The following FGGY variants were observed in gnomAD, a reference collection of about 807,000 sequenced individuals.
FGGY encodes FGGY carbohydrate kinase domain containing.
FGGY carries 72 observed loss-of-function variants against 71.3 expected under a neutral mutation model. That is an observed-to-expected ratio of 1.01 (90% CI 0.84 to 1.23). The LOEUF (loss-of-function observed/expected upper bound fraction) is 1.23, where lower values mean the gene tolerates loss of function less well. Ranked by LOEUF, FGGY falls within the 50% of genes most tolerant of loss-of-function variation. FGGY has a pLI of 0.00. For synonymous variants in FGGY, 251 were observed against 250.3 expected (o/e 1.00, Z -0.02); for missense variants, 668 against 682.3 (o/e 0.98, Z 0.23).
intron 5 of FGGY, among the ~76,000 whole-genome samples, chr1:59,446,018 A>G (rs1295424621): frequency 6.6e-6 from 1 of 152,204 alleles, no homozygotes; most frequent in Non-Finnish European, 1.5e-5. Flanking sequence ...TAGTATCCTC[A>G]CAAGTTTGTT....
At chr1:59,415,075 T>A (rs1188467350) in intron 5 of FGGY, among the ~76,000 whole-genome samples, 1 of 152,132 alleles carries the variant, frequency 6.6e-6, no homozygotes, top group Non-Finnish European at 1.5e-5. Context: ...TGGGACAGGA[T>A]CACATCTGCC....
chr1:59,462,986 C>T (rs1235178233), intron 6 of FGGY, among the ~76,000 whole-genome samples: 6 of 152,088 alleles, frequency 3.9e-5, no homozygotes, highest in Non-Finnish European at 2.9e-5. Flanking sequence ...ATAAATCATG[C>T]TGCTATAAAG....
chr1:59,523,125 C>T (rs931213738), intron 7 of FGGY, among the ~76,000 whole-genome samples: 3 of 152,212 alleles, frequency 2.0e-5, no homozygotes, highest in Non-Finnish European at 2.9e-5. Context: ...CTGACACTGC[C>T]AAGCACCTGT....
chr1:59,577,581 C>G (rs1474408988), intron 8 of FGGY, among the ~76,000 whole-genome samples: 1 of 151,786 alleles, frequency 6.6e-6, no homozygotes, highest in African/African-American at 2.4e-5. Context: ...CTGAGTATGG[C>G]AAATCCAAAA....
intron 14 of FGGY, among the ~76,000 whole-genome samples, 199 bp downstream of exon 14, chr1:59,674,332 G>A (rs1341591134): frequency 6.6e-6 from 1 of 152,030 alleles, no homozygotes; most frequent in Non-Finnish European, 1.5e-5. Flanking sequence ...GGTTCGTGTT[G>A]GTCGTTCTGT....
intron 6 of FGGY, among the ~76,000 whole-genome samples, chr1:59,481,082 T>A (rs1039612039): frequency 1.3e-5 from 2 of 152,210 alleles, no homozygotes; most frequent in African/African-American, 4.8e-5. Context: ...AATAGCTATG[T>A]TGGGAGTCCA....
At chr1:59,311,995 T>C (rs2044429131) in intron 1 of FGGY, among the ~76,000 whole-genome samples, 1 of 152,282 alleles carries the variant, frequency 6.6e-6, no homozygotes. Context: ...ATTTCTCTAA[T>C]GATCAGTGAT....
At chr1:59,540,599 AG>A (rs1365158531) in intron 7 of FGGY, among the ~76,000 whole-genome samples, 1 of 152,226 alleles carries the variant, frequency 6.6e-6, no homozygotes, top group Non-Finnish European at 1.5e-5. Flanking sequence ...TGATCTGGAT[AG>A]GTGTGTTTAC....
At chr1:59,761,587 T>C (rs1017229822) in intron 15 of FGGY, among the ~76,000 whole-genome samples, 1 of 152,234 alleles carries the variant, frequency 6.6e-6, no homozygotes, top group Non-Finnish European at 1.5e-5. Context: ...GTTCCTATTA[T>C]TCCTTTCAGG....
chr1:59,584,096 T>G (rs1230097859), intron 8 of FGGY, among the ~76,000 whole-genome samples: 2 of 149,586 alleles, frequency 1.3e-5, no homozygotes, highest in Admixed American at 6.6e-5. Context: ...CAAGGAGGAA[T>G]TGGTACCATT....
rs993169968 is a variant in FGGY, at chr1:59,715,468, G to A, written c.1512+41335G>A. The stretch of plus-strand genomic sequence containing the variant: ...GTTGCCAGTGTCTAAGTCAAGTCCC[G>A]AAACACTTGGTTCCCCTTGGGTCAA... On this transcript the variant is annotated intron_variant, in intron 14 of 15. Coordinates refer to ENST00000303721, the MANE Select transcript of FGGY (RefSeq NM_018291.5). 5.9e-5 allele frequency among the ~76,000 whole-genome samples: 9 copies of A among 152,152 alleles called. No individual in the cohort carries two copies. The South Asian group carries it at 6.2e-4, about 11-fold the overall frequency.
At chr1:59,338,067 G>A (rs773730503) in intron 2 of FGGY, among the ~76,000 whole-genome samples, 1 of 151,968 alleles carries the variant, frequency 6.6e-6, no homozygotes, top group Non-Finnish European at 1.5e-5. Flanking sequence ...GAGGGTAGGG[G>A]TTCTTTTTTC....
intron 8 of FGGY, among the ~76,000 whole-genome samples, chr1:59,568,469 G>T (rs1198711141): frequency 7.7e-6 from 1 of 129,858 alleles, no homozygotes; most frequent in African/African-American, 2.8e-5. Flanking sequence ...GGGGGCGGGG[G>T]GGGGTGTTCT....
chr1:59,472,335 G>C (rs188062919), intron 6 of FGGY, among the ~76,000 whole-genome samples: 3 of 152,218 alleles, frequency 2.0e-5, no homozygotes, highest in African/African-American at 7.2e-5. Context: ...GGCAGGGCTC[G>C]GAACCTGCAG....
At chr1:59,514,493 C>T (rs1207571578) in intron 7 of FGGY, among the ~76,000 whole-genome samples, 1 of 152,144 alleles carries the variant, frequency 6.6e-6, no homozygotes, top group Non-Finnish European at 1.5e-5. Flanking sequence ...GAAGTTTTAC[C>T]CTTAGAAGCT....
At chr1:59,718,914 A>G (rs1173705439) in intron 14 of FGGY, among the ~76,000 whole-genome samples, 1 of 151,712 alleles carries the variant, frequency 6.6e-6, no homozygotes, top group East Asian at 1.9e-4. Context: ...TAGCTTCCTG[A>G]CCCCCCTATA....
intron 6 of FGGY, among the ~76,000 whole-genome samples, chr1:59,477,997 A>C (rs1344664886): frequency 6.6e-6 from 1 of 152,204 alleles, no homozygotes; most frequent in African/African-American, 2.4e-5. Flanking sequence ...TTTTGGAGCC[A>C]GATATACATG....
At chr1:59,616,361 C>T (rs1233234447) in intron 9 of FGGY, among the ~76,000 whole-genome samples, 6 of 152,264 alleles carry the variant, frequency 3.9e-5, no homozygotes, top group East Asian at 3.9e-4. Flanking sequence ...AACCATCATT[C>T]TCAGCAAACT....
chr1:59,698,911 C>G (rs2097687184), intron 14 of FGGY: 2 of 985,270 alleles, frequency 2.0e-6, no homozygotes. Flanking sequence ...GCACTGATTC[C>G]TAAATATGCT....
Sources: gnomAD v4.1 joint callset for allele counts (sites outside exome capture counted in the v4.1 genomes callset) on GRCh38, gnomAD v4.1.1 for gene constraint, MANE v1.5 for transcripts, NCBI Gene and HGNC (gene_info 2026-07-23, HGNC 2026-07-21) for gene names.